EYS: variants seen among roughly 807,000 people sequenced by gnomAD.
The protein encoded by EYS is protein eyes shut homolog.
Under a neutral mutation model 282.1 loss-of-function variants are expected in EYS, and 250 were observed. That is an observed-to-expected ratio of 0.89 (90% CI 0.80 to 0.98). EYS has a LOEUF of 0.98. Ranked by LOEUF, EYS falls within the 50% of genes least tolerant of loss-of-function variation. EYS has a pLI of 0.00. For missense variants in EYS, 4,016 were observed against 3,709.0 expected (o/e 1.08, Z -2.15); for synonymous variants, 1,355 against 1,282.9 (o/e 1.06, Z -1.20).
At chr6:64,740,486 T>C (rs1772333073) in intron 22 of EYS, among the ~76,000 whole-genome samples, 1 of 152,110 alleles carries the variant, frequency 6.6e-6, no homozygotes, top group Non-Finnish European at 1.5e-5. Flanking sequence ...TTAATGCTAA[T>C]CTTTATTTTA....
At chr6:63,963,958 G>T (rs1562120185) in intron 35 of EYS, among the ~76,000 whole-genome samples, 1 of 152,108 alleles carries the variant, frequency 6.6e-6, no homozygotes, top group Non-Finnish European at 1.5e-5. Flanking sequence ...TCCATCTGTA[G>T]GTGGCAGTAA....
At chr6:65,287,762 T>C (rs1180128074) in intron 12 of EYS, among the ~76,000 whole-genome samples, 2 of 151,194 alleles carry the variant, frequency 1.3e-5, no homozygotes, top group East Asian at 3.9e-4. Context: ...TTAATTTTTG[T>C]TTTTTTGCCT....
At chr6:63,879,252 T>C (rs1046392353) in intron 35 of EYS, among the ~76,000 whole-genome samples, 2 of 152,228 alleles carry the variant, frequency 1.3e-5, no homozygotes, top group Non-Finnish European at 2.9e-5. Flanking sequence ...TATTATTTGA[T>C]GTATCCATGG....
intron 36 of EYS, among the ~76,000 whole-genome samples, chr6:63,856,743 C>T (rs1376160667): frequency 6.6e-6 from 1 of 151,954 alleles, no homozygotes; most frequent in Non-Finnish European, 1.5e-5. Context: ...TTTCTGCTTC[C>T]CATGATATTT....
chr6:64,827,407 C>G (rs2036079), intron 19 of EYS, among the ~76,000 whole-genome samples: 23,176 of 151,740 alleles, frequency 0.15, 2,011 homozygotes, highest in East Asian at 0.44. Context: ...TTTATCACTA[C>G]TTATTTGAGC....
chr6:65,234,276 C>T (rs72883249), intron 12 of EYS, among the ~76,000 whole-genome samples: 12 of 152,108 alleles, frequency 7.9e-5, no homozygotes, highest in South Asian at 2.1e-4. Context: ...AGTGGTACTC[C>T]GGCTCTAAGA....
intron 16 of EYS, among the ~76,000 whole-genome samples, chr6:64,906,607 T>C (rs1162523459): frequency 6.6e-6 from 1 of 152,210 alleles, no homozygotes; most frequent in Non-Finnish European, 1.5e-5. Context: ...ATACTGCAAT[T>C]CCATCAAGCG....
intron 7 of EYS, among the ~76,000 whole-genome samples, chr6:65,396,353 T>G (rs529039332): frequency 1.3e-5 from 2 of 152,250 alleles, no homozygotes; most frequent in South Asian, 4.1e-4. Flanking sequence ...CTCATTTCTC[T>G]TTCTAATTTA....
At chr6:63,910,433 G>A (rs1773886037) in intron 35 of EYS, among the ~76,000 whole-genome samples, 1 of 152,158 alleles carries the variant, frequency 6.6e-6, no homozygotes, top group Non-Finnish European at 1.5e-5. Flanking sequence ...GAAAGGTCAT[G>A]GTAAAAATAA....
chr6:65,200,049 G>A (rs919450433), intron 12 of EYS, among the ~76,000 whole-genome samples: 1 of 152,176 alleles, frequency 6.6e-6, no homozygotes, highest in African/African-American at 2.4e-5. Context: ...AGAAGTGAAT[G>A]AAATGGCTCA....
intron 31 of EYS, among the ~76,000 whole-genome samples, chr6:64,088,548 A>T (rs865979995): frequency 2.0e-4 from 30 of 151,858 alleles, no homozygotes; most frequent in African/African-American, 6.3e-4. Context: ...AAATTATATT[A>T]AAAAAAATCT....
chr6:65,603,363 G>GTGAA (rs34334362), intron 2 of EYS, among the ~76,000 whole-genome samples: 12,745 of 151,988 alleles, frequency 0.084, 639 homozygotes, highest in South Asian at 0.15. Context: ...AGATTTAGAA[G>GTGAA]TGAATGATGG....
At chr6:64,766,325 T>C (rs1773334090) in intron 22 of EYS, among the ~76,000 whole-genome samples, 1 of 151,540 alleles carries the variant, frequency 6.6e-6, no homozygotes, top group African/African-American at 2.4e-5. Context: ...TATTTATTTA[T>C]ATTTTTTATG....
At position 65,156,055 on chromosome 6, in the gene EYS, C is replaced by A. The variant is rs997993614; in HGVS notation, c.2024-98328G>T. ...TTAACTTCTTTTCAAAGAGAATTAA[C>A]ACAAGCTAAGTTGGTGACAGCAGCA... On this transcript the variant is annotated intron_variant, in intron 12 of 42. Coordinates refer to ENST00000503581, the MANE Select transcript of EYS (RefSeq NM_001142800.2). Among the ~76,000 whole-genome samples the A allele has an allele frequency of 3.3e-5, 5 of 151,332 alleles. No individual in the cohort carries two copies. The East Asian group carries it at 9.7e-4, about 29-fold the overall frequency.
intron 22 of EYS, among the ~76,000 whole-genome samples, chr6:64,751,449 C>G (rs891424860): frequency 6.6e-6 from 1 of 152,168 alleles, no homozygotes; most frequent in African/African-American, 2.4e-5. Flanking sequence ...TGGCTGCCCC[C>G]GGACTCCTCA....
chr6:64,545,351 G>A (rs1764822127), intron 26 of EYS, among the ~76,000 whole-genome samples: 1 of 152,216 alleles, frequency 6.6e-6, no homozygotes, highest in Middle Eastern at 3.4e-3. Flanking sequence ...CAATAAATTA[G>A]GTATTGATGG....
chr6:64,148,202 C>T (rs1035303488), intron 31 of EYS, among the ~76,000 whole-genome samples: 4 of 152,202 alleles, frequency 2.6e-5, no homozygotes, highest in Admixed American at 2.0e-4. Context: ...TATTTCATCT[C>T]ATTTTCTATA....
intron 31 of EYS, among the ~76,000 whole-genome samples, chr6:64,205,200 CA>C (rs970387188): frequency 3.7e-4 from 56 of 151,896 alleles, no homozygotes; most frequent in African/African-American, 1.3e-3. Context: ...CCATAGAAAC[CA>C]AAAAAATTTG....
chr6:65,105,097 CCTTTT>C (rs1380942925), intron 12 of EYS, among the ~76,000 whole-genome samples: 1 of 151,482 alleles, frequency 6.6e-6, no homozygotes, highest in African/African-American at 2.4e-5. Flanking sequence ...TAAAATGTTT[CCTTTT>C]AACTATTGTT....
Sources: allele counts gnomAD v4.1 joint callset (sites outside exome capture counted in the v4.1 genomes callset), GRCh38; gene constraint gnomAD v4.1.1; transcripts MANE v1.5; gene names NCBI Gene and HGNC (gene_info 2026-07-23, HGNC 2026-07-21).